Variants in PHC1 observed in about 807,000 individuals in gnomAD.
PHC1 encodes the protein polyhomeotic homolog 1.
A neutral mutation model predicts 104.3 loss-of-function variants in PHC1; 12 were observed. The observed-to-expected ratio is 0.12, with a 90% confidence interval of 0.07 to 0.19. The LOEUF is 0.19. Ranked by LOEUF, PHC1 falls within the 10% of genes least tolerant of loss-of-function variation. The pLI is 1.00. For missense variants in PHC1, 671 were observed against 1,200.0 expected (o/e 0.56, Z 6.51); for synonymous variants, 302 against 455.8 (o/e 0.66, Z 4.30).
intron 6 of PHC1, among the ~76,000 whole-genome samples, chr12:8,923,964 T>C (rs1028449103): frequency 6.6e-6 from 1 of 152,058 alleles, no homozygotes; most frequent in African/African-American, 2.4e-5. Flanking sequence ...ATATTATAAG[T>C]AATAGAGGTG....
intron 7 of PHC1, 142 bp downstream of exon 7, chr12:8,931,069 ATATCAGCCTTGAACATATTAG>A (rs965307506): frequency 2.4e-6 from 2 of 843,802 alleles, no homozygotes; most frequent in African/African-American, 3.4e-5. Flanking sequence ...AATGGGAATA[ATATCAGCCTTGAACATATTAG>A]TTCAGGGTCA....
intron 6 of PHC1, among the ~76,000 whole-genome samples, chr12:8,928,018 T>C (rs779832247): frequency 3.6e-4 from 54 of 151,768 alleles, no homozygotes; most frequent in African/African-American, 1.2e-3. Context: ...GCGATTCTTG[T>C]ACCTCAGCCT....
In PHC1 at chr12:8,940,465, TAAC is replaced by T. The variant is rs1945978876; in HGVS notation, c.*1009_*1011del. On this transcript the variant is annotated 3_prime_UTR_variant, in exon 15 of 15. Transcript: ENST00000544916. ...GGTGTGGGGGAGGGATGCAAACAAA[TAAC>T]AAAAAAGATGCTTTTGTAACATTAT... 2 of 160,802 alleles carry T rather than the reference TAAC, an allele frequency of 1.2e-5. No homozygotes were observed. The highest frequency in any genetic ancestry group is 4.9e-5 in the African/African-American group (2 of 40,634). The allele number at this position is 160,802 out of a possible 1,614,324, so 10.0% of individuals were successfully genotyped here. A position where few individuals can be genotyped will look rare whatever the true frequency, so the allele number is the denominator to read the frequency against.
chr12:8,939,912 CT>C lies in PHC1; in HGVS notation c.*454del. On this transcript the variant is annotated 3_prime_UTR_variant, in exon 15 of 15. Coordinates refer to ENST00000544916, the MANE Select transcript of PHC1 (RefSeq NM_004426.3). ...GCTTGTGTGACAGAAGTAGCAAAAT[CT>C]GGTCCTCCCCCCTCCCAGTGTAGCT... The C allele has an allele frequency of 2.2e-6, 1 of 456,826 alleles. No individual in the cohort carries two copies. Among genetic ancestry groups the C allele is most frequent in the Non-Finnish European group, 4.4e-6 (1 of 227,268 alleles). The allele number at this position is 456,826 out of a possible 1,614,324, so 28.3% of individuals were successfully genotyped here.
At chr12:8,915,870 A>T (rs1945186228) in intron 1 of PHC1, 1 of 154,376 alleles carries the variant, frequency 6.5e-6, no homozygotes, top group African/African-American at 2.4e-5. Context: ...ATTAATCAGA[A>T]TTCAGGTTTG....
chr12:8,931,294 T>C (rs907076141), intron 7 of PHC1, among the ~76,000 whole-genome samples: 3 of 152,258 alleles, frequency 2.0e-5, no homozygotes, highest in Non-Finnish European at 4.4e-5. Flanking sequence ...GTAGATTCCC[T>C]GTCTTCATGT....
chr12:8,927,016 A>G (rs1054774182), intron 6 of PHC1, among the ~76,000 whole-genome samples: 5 of 152,224 alleles, frequency 3.3e-5, no homozygotes, highest in African/African-American at 1.2e-4. Context: ...AAGCAGTTCA[A>G]GGTCGACAGA....
intron 10 of PHC1, among the ~76,000 whole-genome samples, chr12:8,934,750 A>G (rs529460658): frequency 4.1e-4 from 63 of 152,188 alleles, no homozygotes; most frequent in Middle Eastern, 3.2e-3. Flanking sequence ...GAATAAAATT[A>G]TAGTAATGAA....
chr12:8,922,110 G>A (rs78508096), intron 5 of PHC1, among the ~76,000 whole-genome samples: 40,138 of 152,072 alleles, frequency 0.26, 5,720 homozygotes, highest in African/African-American at 0.35. Flanking sequence ...CACCGCGCCC[G>A]GCCAAAAGCC....
rs368030082 is a variant in PHC1 at position 8,937,882 on chromosome 12, C to G, written c.2682C>G (p.Leu894=). 259 of 1,612,778 alleles carry G rather than the reference C, an allele frequency of 1.6e-4. No individual in the cohort carries two copies. The highest frequency in any genetic ancestry group is 1.7e-4 in the Middle Eastern group (1 of 6,052). ...ATAATTCCAGTTATGATGAAGCACT[C>G]TCTCCAACATCTCCTGGGCCTTTAT... ...GSDNSSYDEA[L]SPTSPGPLSV... Residue 894 remains leucine (L), a synonymous_variant, in exon 14 of 15, where the codon CTC becomes CTG. Coordinates refer to ENST00000544916, the MANE Select transcript of PHC1 (RefSeq NM_004426.3).
At position 8,919,985 on chromosome 12, in the gene PHC1, G is replaced by A. The variant is rs1053749366; in HGVS notation, c.225+119G>A. Reference sequence around the variant, plus strand: ...AGCCAGGCTGCAGACAGCCTCCTCCGCCTCCTGTCCTTCTGTGGGAGGATG... The same window carrying A: ...AGCCAGGCTGCAGACAGCCTCCTCCACCTCCTGTCCTTCTGTGGGAGGATG... On this transcript the variant is annotated intron_variant, in intron 3 of 14. Transcript: ENST00000544916. This position sits in a 1 kb window ranked among gnomAD's most constrained non-coding sequence, Gnocchi z 4.9. 2.6e-5 allele frequency: 38 copies of A among 1,444,988 alleles called. No individual in the cohort carries two copies. In the East Asian group the frequency reaches 4.3e-4, roughly 16 times the overall value. The allele number at this position is 1,444,988 out of a possible 1,614,324, so 89.5% of individuals were successfully genotyped here. A position where few individuals can be genotyped will look rare whatever the true frequency, so the allele number is the denominator to read the frequency against.
chr12:8,932,573 A>G lies in PHC1; in HGVS notation c.1116A>G (p.Thr372=). 3 of 1,613,934 alleles carry G rather than the reference A, an allele frequency of 1.9e-6. No homozygotes were observed. The South Asian group carries it at 3.3e-5, about 18-fold the overall frequency. Residue 372 remains threonine (T), a synonymous_variant, in exon 8 of 15, where the codon ACA becomes ACG. Transcript: ENST00000544916. ...SQTLISSATY[T]QIQPHSLIQQ... Reference sequence around the variant, plus strand: ...GGATTGTTCCTATAGCCACCTACACACAGATCCAGCCCCATTCACTGATTC... The same window carrying G: ...GGATTGTTCCTATAGCCACCTACACGCAGATCCAGCCCCATTCACTGATTC...
At position 8,930,723 on chromosome 12, in the gene PHC1, G is replaced by A; in HGVS notation, c.901G>A (p.Gly301Ser). The A allele has an allele frequency of 4.0e-6, 5 of 1,258,078 alleles. No individual in the cohort carries two copies. Among genetic ancestry groups the A allele is most frequent in the Non-Finnish European group, 3.3e-6 (3 of 897,930 alleles). 77.9% of individuals were successfully genotyped at this position (1,258,078 alleles called of 1,614,324 possible). The stretch of plus-strand genomic sequence containing the variant: ...TCAGTTGCCTTCCTCAGGAATGGGT[G>A]GTGGGAGCTGTCCCAGAAAGGGTAC... ...LGQLPSSGMG[G>S]GSCPRKGTGV... Residue 301 changes from glycine (G) to serine (S), a missense_variant, in exon 7 of 15, where the codon GGT becomes AGT. Coordinates refer to ENST00000544916, the MANE Select transcript of PHC1 (RefSeq NM_004426.3).
chr12:8,917,844 C>A, intron 2 of PHC1, 53 bp downstream of exon 2: 1 of 921,994 alleles, frequency 1.1e-6, no homozygotes. Context: ...TTGTGGTAGG[C>A]AGTGATGCTG....
Position 8,933,257 on chromosome 12 carries a change from G to T in PHC1, c.1800G>T (p.Gly600=), listed in dbSNP as rs1168824596. The change falls in exon 8 of 15, where the codon GGG becomes GGT. Residue 600 remains glycine (G), a synonymous_variant. Transcript: ENST00000544916. ...APGMTLAPVQ[G]TAHVVKGGAT... is the part of the protein sequence containing the mutation. ...GGATGACCCTTGCTCCTGTGCAGGG[G>T]ACAGCACATGTGGTAAAGGGTGGGG... is the stretch of plus-strand genomic sequence containing the variant. The T allele has an allele frequency of 4.2e-5, 63 of 1,487,372 alleles. No individual in the cohort carries two copies. Among genetic ancestry groups the T allele is most frequent in the Non-Finnish European group, 5.1e-5 (56 of 1,106,032 alleles). 92.1% of individuals were successfully genotyped at this position (1,487,372 alleles called of 1,614,324 possible).
chr12:8,937,182 T>C lies in PHC1; in HGVS notation c.2484T>C (p.Asn828=). ...FCSMTCAKRY[N]VSCSHQFRLK... ...TATATGCCCTGTCCTGTAGGTACAA[T>C]GTGAGCTGTAGCCATCAGTTCCGGC... Residue 828 remains asparagine, a synonymous_variant, in exon 13 of 15, where the codon AAT becomes AAC. Coordinates refer to ENST00000544916, the MANE Select transcript of PHC1 (RefSeq NM_004426.3). 2 of 1,611,304 alleles carry C rather than the reference T, an allele frequency of 1.2e-6. No individual in the cohort carries two copies. Among genetic ancestry groups the C allele is most frequent in the South Asian group, 1.1e-5 (1 of 90,492 alleles).
upstream of PHC1, among the ~76,000 whole-genome samples, chr12:8,914,167 C>G (rs1339200050): frequency 1.3e-5 from 2 of 152,048 alleles, no homozygotes; most frequent in Non-Finnish European, 2.9e-5. Context: ...TTCTTTCTCC[C>G]CGTCTCACGT....
Position 8,917,719 on chromosome 12 carries a change from G to A in PHC1, c.42G>A (p.Gly14=), listed in dbSNP as rs145835328. The A allele has an allele frequency of 8.3e-6, 13 of 1,573,372 alleles. No individual in the cohort carries two copies. The highest frequency in any genetic ancestry group is 1.0e-5 in the Non-Finnish European group (12 of 1,163,306). Residue 14 remains glycine (G), a synonymous_variant, in exon 2 of 15, where the codon GGG becomes GGA. Transcript: ENST00000544916. ...AGCAGAACTCCAATTCCACCAATGGGAGTTCTAGCTCAGGGGGCAGCTCTC... is the reference window on the plus strand; with the variant it reads ...AGCAGAACTCCAATTCCACCAATGGAAGTTCTAGCTCAGGGGGCAGCTCTC... ...ESEQNSNSTN[G]SSSSGGSSRP... is the part of the protein sequence containing the mutation.
At chr12:8,921,882 T>C in intron 5 of PHC1, 132 bp downstream of exon 5, 1 of 807,892 alleles carries the variant, frequency 1.2e-6, no homozygotes. Context: ...GGCACAATAA[T>C]GGCTCACTGC....
Sources: gnomAD v4.1 joint callset for allele counts (sites outside exome capture counted in the v4.1 genomes callset) on GRCh38, gnomAD v4.1.1 for gene constraint, Gnocchi (gnomAD v3.1) non-coding constraint, MANE v1.5 for transcripts, NCBI Gene and HGNC (gene_info 2026-07-23, HGNC 2026-07-21) for gene names.